HDAC4: variants seen among roughly 807,000 people sequenced by gnomAD.
The protein encoded by HDAC4 is histone deacetylase A.
In HDAC4, 16 loss-of-function variants were observed where a neutral mutation model predicts 135.1. The ratio of observed to expected loss-of-function variants is 0.12; its 90% CI spans 0.08 to 0.18. HDAC4 has a LOEUF of 0.18. Among genes scored for constraint, HDAC4 ranks in the 10% least tolerant of loss-of-function variants. The pLI is 1.00. For missense variants in HDAC4, 1,143 were observed against 1,511.8 expected (o/e 0.76, Z 4.05); for synonymous variants, 685 against 653.4 (o/e 1.05, Z -0.74).
chr2:239,398,452 TAAAAG>T (rs1696713038), intron 1 of HDAC4, among the ~76,000 whole-genome samples: 1 of 152,196 alleles, frequency 6.6e-6, no homozygotes, highest in Admixed American at 6.5e-5. Context: ...ATGCAGTAGT[TAAAAG>T]GAAAGAGTTA....
intron 2 of HDAC4, among the ~76,000 whole-genome samples, chr2:239,249,164 G>A (rs554633304): frequency 4.3e-4 from 66 of 152,376 alleles, no homozygotes; most frequent in African/African-American, 1.5e-3. Flanking sequence ...GTACACACGA[G>A]GTGGAGGGAA....
intron 2 of HDAC4, among the ~76,000 whole-genome samples, chr2:239,319,098 G>A (rs780424585): frequency 6.6e-6 from 1 of 152,114 alleles, no homozygotes; most frequent in Non-Finnish European, 1.5e-5. Context: ...AACAAAAAAC[G>A]GAACTTCTGC....
intron 12 of HDAC4, among the ~76,000 whole-genome samples, chr2:239,121,930 T>C (rs3791444): frequency 0.86 from 130,424 of 152,280 alleles, 56,289 homozygotes; most frequent in African/African-American, 0.96. Flanking sequence ...CTTTGGGAGG[T>C]GAGCCGGACG....
At chr2:239,156,607 C>A in intron 7 of HDAC4, 45 bp downstream of exon 7, 1 of 1,613,432 alleles carries the variant, frequency 6.2e-7, no homozygotes. Context: ...GTGGAAGGTG[C>A]CCGTGCAGGA....
chr2:239,276,445 C>T (rs2050370246), intron 2 of HDAC4, among the ~76,000 whole-genome samples: 1 of 152,250 alleles, frequency 6.6e-6, no homozygotes, highest in African/African-American at 2.4e-5. Context: ...ATGGCCTGTG[C>T]CACCTTCAAA....
chr2:239,191,021 G>A (rs566744967), intron 3 of HDAC4: 1 of 463,394 alleles, frequency 2.2e-6, no homozygotes, highest in East Asian at 7.0e-5. Context: ...GGACATCCCA[G>A]CGTCACTTCT....
At chr2:239,163,055 C>T (rs558256077) in intron 6 of HDAC4, among the ~76,000 whole-genome samples, 1 of 150,370 alleles carries the variant, frequency 6.7e-6, no homozygotes, top group South Asian at 2.1e-4. Context: ...GCCGCATCAC[C>T]TCGCCACTCG....
In HDAC4 at chr2:239,362,132, A is replaced by C. The variant is rs1167828117; in HGVS notation, c.-219-9214T>G. ...ACTAGAAGTCCACACTGAGCCACAG[A>C]GCCTGTGATTTTAATTTACAAGCAC... On this transcript the variant is annotated intron_variant, in intron 1 of 26. Transcript: ENST00000543185. Among the ~76,000 whole-genome samples the C allele has an allele frequency of 2.0e-5, 3 of 152,348 alleles. 1 individual carries two copies. The highest frequency in any genetic ancestry group is 6.5e-5 in the Admixed American group (1 of 15,310).
At chr2:239,104,621 G>A (rs749397867) in intron 15 of HDAC4, among the ~76,000 whole-genome samples, 28 of 152,198 alleles carry the variant, frequency 1.8e-4, no homozygotes, top group Non-Finnish European at 4.0e-4. Flanking sequence ...CTGGACAGAC[G>A]GGCCTAGGCA....
At chr2:239,267,151 T>C (rs2049784492) in intron 2 of HDAC4, among the ~76,000 whole-genome samples, 1 of 152,206 alleles carries the variant, frequency 6.6e-6, no homozygotes, top group Admixed American at 6.5e-5. Context: ...ACTTGACCTC[T>C]GATGTTGCCA....
intron 24 of HDAC4, among the ~76,000 whole-genome samples, chr2:239,066,128 C>T (rs778530377): frequency 3.9e-5 from 6 of 152,170 alleles, no homozygotes; most frequent in South Asian, 2.1e-4. Context: ...CTGCAGGTGG[C>T]GCTCTCACCC....
chr2:239,384,751 G>C (rs1462100498), intron 1 of HDAC4, among the ~76,000 whole-genome samples: 3 of 152,170 alleles, frequency 2.0e-5, no homozygotes, highest in African/African-American at 7.2e-5. Context: ...ATACCCCACG[G>C]CTCTGTCCCC....
At chr2:239,293,844 G>A (rs77894910) in intron 2 of HDAC4, among the ~76,000 whole-genome samples, 5,440 of 152,318 alleles carry the variant, frequency 0.036, 124 homozygotes, top group East Asian at 0.079. Context: ...AAAACCTGAC[G>A]GCGAGAACGC....
intron 4 of HDAC4, among the ~76,000 whole-genome samples, chr2:239,179,155 C>T (rs553892758): frequency 1.6e-4 from 25 of 152,266 alleles, no homozygotes; most frequent in East Asian, 7.7e-4. Context: ...GGTGTGCGTG[C>T]GAGGCAGCCA....
intron 2 of HDAC4, among the ~76,000 whole-genome samples, chr2:239,317,372 A>C (rs1315437722): frequency 6.6e-6 from 1 of 152,096 alleles, no homozygotes; most frequent in African/African-American, 2.4e-5. Context: ...CTGGCGGCCG[A>C]GAGCTGGTTT....
intron 1 of HDAC4, among the ~76,000 whole-genome samples, chr2:239,380,763 C>T (rs1695361959): frequency 6.6e-6 from 1 of 152,122 alleles, no homozygotes; most frequent in Non-Finnish European, 1.5e-5. Flanking sequence ...AAATAAATTG[C>T]CCAAACTGCT....
At chr2:239,127,982 T>A (rs1336734643) in intron 11 of HDAC4, among the ~76,000 whole-genome samples, 1 of 152,342 alleles carries the variant, frequency 6.6e-6, no homozygotes, top group East Asian at 1.9e-4. Flanking sequence ...TAAGAAATAC[T>A]ACGTGATATG....
At chr2:239,395,831 T>C (rs1383595418) in intron 1 of HDAC4, among the ~76,000 whole-genome samples, 2 of 152,252 alleles carry the variant, frequency 1.3e-5, no homozygotes, top group Non-Finnish European at 2.9e-5. Flanking sequence ...TCTGGATATC[T>C]ACACACTTAT....
At chr2:239,145,209 T>C (rs1363004207) in intron 7 of HDAC4, among the ~76,000 whole-genome samples, 2 of 152,214 alleles carry the variant, frequency 1.3e-5, no homozygotes, top group African/African-American at 2.4e-5. Flanking sequence ...GTGTCCACGT[T>C]GCACACTTTC....
Sources: allele counts gnomAD v4.1 joint callset (sites outside exome capture counted in the v4.1 genomes callset), GRCh38; gene constraint gnomAD v4.1.1; transcripts MANE v1.5; gene names NCBI Gene and HGNC (gene_info 2026-07-23, HGNC 2026-07-21).